SLC4A4: variants seen among roughly 807,000 people sequenced by gnomAD.
The protein encoded by SLC4A4 is electrogenic sodium bicarbonate cotransporter 1.
Under a neutral mutation model 111.5 loss-of-function variants are expected in SLC4A4, and 27 were observed. The ratio of observed to expected loss-of-function variants is 0.24; its 90% confidence interval spans 0.18 to 0.33. SLC4A4 has a LOEUF of 0.33. Ranked by LOEUF, SLC4A4 falls within the 10% of genes least tolerant of loss-of-function variation. The pLI, the probability that SLC4A4 is intolerant of heterozygous loss-of-function variation, is 1.00. For missense variants in SLC4A4, 909 were observed against 1,315.5 expected (o/e 0.69, Z 4.78); for synonymous variants, 443 against 463.4 (o/e 0.96, Z 0.57).
intron 6 of SLC4A4, among the ~76,000 whole-genome samples, chr4:71,375,567 C>T (rs906595647): frequency 1.3e-5 from 2 of 152,162 alleles, no homozygotes; most frequent in African/African-American, 2.4e-5. Flanking sequence ...AACTCTGATC[C>T]TTTTCTGAGA....
intron 7 of SLC4A4, among the ~76,000 whole-genome samples, chr4:71,408,985 A>T (rs1721119424): frequency 6.6e-6 from 1 of 152,126 alleles, no homozygotes; most frequent in Non-Finnish European, 1.5e-5. Flanking sequence ...CTATGGGCTT[A>T]TCTGGTGTTT....
chr4:71,534,155 C>A, intron 17 of SLC4A4, 72 bp from the exon 18 acceptor site: 1 of 1,253,530 alleles, frequency 8.0e-7, no homozygotes, highest in Non-Finnish European at 1.2e-6. Flanking sequence ...CATGTCTTCC[C>A]GTTGGTTTTT....
At chr4:71,237,241 C>T (rs184637765) in intron 2 of SLC4A4, among the ~76,000 whole-genome samples, 73 of 152,226 alleles carry the variant, frequency 4.8e-4, no homozygotes, top group African/African-American at 1.6e-3. Context: ...TATGTTTTAC[C>T]TGGTGCTATA....
intron 1 of SLC4A4, among the ~76,000 whole-genome samples, chr4:71,087,850 G>A (rs1216144664): frequency 1.3e-5 from 2 of 152,030 alleles, no homozygotes; most frequent in Non-Finnish European, 2.9e-5. Flanking sequence ...TGGAATAGGT[G>A]TGGTGTGGTG....
chr4:71,171,324 C>A (rs757797811), intron 2 of SLC4A4, among the ~76,000 whole-genome samples: 8 of 152,090 alleles, frequency 5.3e-5, no homozygotes, highest in Non-Finnish European at 7.4e-5. Flanking sequence ...GTGGTGCCAA[C>A]TTTCTTTATG....
At chr4:71,430,294 C>G (rs1220606799) in intron 7 of SLC4A4, among the ~76,000 whole-genome samples, 1 of 152,068 alleles carries the variant, frequency 6.6e-6, no homozygotes, top group Admixed American at 6.6e-5. Flanking sequence ...CCCATAAAGT[C>G]TGAGGACATT....
intron 2 of SLC4A4, among the ~76,000 whole-genome samples, chr4:71,242,448 A>G (rs1334089214): frequency 6.6e-6 from 1 of 152,190 alleles, no homozygotes; most frequent in Non-Finnish European, 1.5e-5. Flanking sequence ...TCTATTGCCA[A>G]ATCATTGCAT....
intron 18 of SLC4A4, among the ~76,000 whole-genome samples, chr4:71,536,485 T>TATATATATATATATATATATATATATA (rs760037325): frequency 1.2e-5 from 1 of 84,032 alleles, no homozygotes; most frequent in Non-Finnish European, 2.2e-5. Context: ...TATATATATA[T>TATATATATATATATATATATATATATA]ATGTATATAT....
intron 6 of SLC4A4, among the ~76,000 whole-genome samples, chr4:71,370,354 C>G (rs1215913586): frequency 6.6e-6 from 1 of 152,176 alleles, no homozygotes; most frequent in Non-Finnish European, 1.5e-5. Context: ...ATCTGCTAAT[C>G]CCACAATGAA....
At chr4:71,441,767 C>G (rs868284233) in intron 8 of SLC4A4, among the ~76,000 whole-genome samples, 6 of 152,098 alleles carry the variant, frequency 3.9e-5, no homozygotes, top group Non-Finnish European at 8.8e-5. Flanking sequence ...GCTATTCTTC[C>G]TCATCATACA....
intron 22 of SLC4A4, 48 bp downstream of exon 22, chr4:71,557,933 A>C (rs1032666758): frequency 1.3e-6 from 2 of 1,513,792 alleles, no homozygotes; most frequent in Admixed American, 1.7e-5. Context: ...TATGAGTATC[A>C]TGTGGTTATT....
At chr4:71,088,234 CTT>C (rs566407120) in intron 1 of SLC4A4, among the ~76,000 whole-genome samples, 1 of 145,354 alleles carries the variant, frequency 6.9e-6, no homozygotes, top group African/African-American at 2.5e-5. Flanking sequence ...CAATACCTGC[CTT>C]TTTTTTTTTC....
chr4:71,241,261 A>G (rs1192087569), intron 2 of SLC4A4, among the ~76,000 whole-genome samples: 3 of 152,114 alleles, frequency 2.0e-5, no homozygotes, highest in Non-Finnish European at 2.9e-5. Context: ...TACTTATATC[A>G]TTTATATATT....
At chr4:71,327,870 C>T (rs1423029017) in intron 3 of SLC4A4, among the ~76,000 whole-genome samples, 1 of 151,820 alleles carries the variant, frequency 6.6e-6, no homozygotes, top group African/African-American at 2.4e-5. Context: ...TTAAAATGTA[C>T]AATAAATAAT....
intron 1 of SLC4A4, among the ~76,000 whole-genome samples, chr4:71,216,421 G>T (rs1718434972): frequency 6.6e-6 from 1 of 151,958 alleles, no homozygotes; most frequent in Non-Finnish European, 1.5e-5. Context: ...ATTTCCCAGG[G>T]TGACCACCTT....
chr4:71,109,147 GT>G (rs1438601950), intron 2 of SLC4A4, among the ~76,000 whole-genome samples: 56 of 151,872 alleles, frequency 3.7e-4, no homozygotes, highest in Non-Finnish European at 2.4e-4. Context: ...TGCTGTTTTT[GT>G]TTTTGTTTTT....
At chr4:71,215,415 C>T (rs1416566834) in intron 1 of SLC4A4, among the ~76,000 whole-genome samples, 1 of 152,190 alleles carries the variant, frequency 6.6e-6, no homozygotes, top group South Asian at 2.1e-4. Context: ...ATTTCAAGCA[C>T]TATTCATTTG....
At chr4:71,218,875 G>T (rs1718580405) in intron 1 of SLC4A4, among the ~76,000 whole-genome samples, 1 of 152,134 alleles carries the variant, frequency 6.6e-6, no homozygotes, top group Admixed American at 6.5e-5. Flanking sequence ...AGCAACAAAT[G>T]TAATATTACT....
intron 2 of SLC4A4, among the ~76,000 whole-genome samples, chr4:71,094,807 T>A (rs1742494473): frequency 7.5e-6 from 1 of 133,492 alleles, no homozygotes; most frequent in African/African-American, 3.0e-5. Context: ...ACAAGAAAGG[T>A]CTCTCTGTCT....
Sources: allele counts gnomAD v4.1 joint callset (sites outside exome capture counted in the v4.1 genomes callset), GRCh38; gene constraint gnomAD v4.1.1; transcripts MANE v1.5; gene names NCBI Gene and HGNC (gene_info 2026-07-23, HGNC 2026-07-21).